The following CCDC15 variants were observed in gnomAD, a reference collection of about 807,000 sequenced individuals.
The protein encoded by CCDC15 is coiled-coil domain containing 15.
CCDC15 carries 105 observed loss-of-function variants against 114.5 expected under a neutral mutation model. The ratio of observed to expected loss-of-function variants is 0.92; its 90% CI spans 0.78 to 1.08. The LOEUF (loss-of-function observed/expected upper bound fraction) is 1.08, where lower values mean the gene tolerates loss of function less well. Among genes scored for constraint, CCDC15 ranks in the 50% least tolerant of loss-of-function variants. The probability of loss-of-function intolerance (pLI) is 0.00; values close to 1 mark genes in which losing one functional copy is unlikely to be tolerated. For missense variants in CCDC15, 1,105 were observed against 1,093.6 expected (o/e 1.01, Z -0.15); for synonymous variants, 334 against 377.8 (o/e 0.88, Z 1.34).
intron 13 of CCDC15, among the ~76,000 whole-genome samples, chr11:125,014,431 A>G (rs1040497483): frequency 8.5e-5 from 13 of 152,256 alleles, no homozygotes; most frequent in African/African-American, 3.1e-4. Flanking sequence ...AGACAACAGA[A>G]GCAGACTCAG....
At chr11:124,957,761 C>G (rs529975197) in intron 2 of CCDC15, among the ~76,000 whole-genome samples, 20 of 152,248 alleles carry the variant, frequency 1.3e-4, no homozygotes, top group African/African-American at 4.3e-4. Context: ...GAAATTTTAA[C>G]TTAAATTGAA....
At chr11:125,040,285 C>T (rs1344172210) in intron 15 of CCDC15, among the ~76,000 whole-genome samples, 1 of 152,126 alleles carries the variant, frequency 6.6e-6, no homozygotes, top group Non-Finnish European at 1.5e-5. Flanking sequence ...GATCCGCCTG[C>T]CTCAGCCTCC....
intron 4 of CCDC15, among the ~76,000 whole-genome samples, chr11:124,973,568 G>A (rs942359830): frequency 6.6e-6 from 1 of 151,938 alleles, no homozygotes; most frequent in African/African-American, 2.4e-5. Flanking sequence ...AAAAAAATCT[G>A]GGCTGGTAGA....
chr11:124,993,065 C>A, intron 10 of CCDC15, 104 bp from the exon 11 acceptor site: 1 of 715,676 alleles, frequency 1.4e-6, no homozygotes, highest in Non-Finnish European at 2.5e-6. Flanking sequence ...CTATTATCCT[C>A]ACCTAGTGTC....
chr11:124,982,442 A>G (rs547063096), intron 6 of CCDC15, among the ~76,000 whole-genome samples: 1 of 152,286 alleles, frequency 6.6e-6, no homozygotes, highest in East Asian at 1.9e-4. Flanking sequence ...TCCTTTCCAT[A>G]TTTAGCACTC....
chr11:124,963,461 T>TA (rs1283294742), intron 4 of CCDC15, among the ~76,000 whole-genome samples: 1 of 152,256 alleles, frequency 6.6e-6, no homozygotes, highest in East Asian at 1.9e-4. Flanking sequence ...TGTCTGTTCA[T>TA]ATCCTTTGCC....
At chr11:124,992,085 A>G (rs533647527) in intron 9 of CCDC15, among the ~76,000 whole-genome samples, 1 of 152,312 alleles carries the variant, frequency 6.6e-6, no homozygotes, top group Admixed American at 6.5e-5. Flanking sequence ...GTTAAACACT[A>G]AACAATTCAG....
intron 13 of CCDC15, among the ~76,000 whole-genome samples, chr11:125,007,363 T>A (rs1948560170): frequency 6.6e-6 from 1 of 152,232 alleles, no homozygotes; most frequent in Admixed American, 6.5e-5. Flanking sequence ...TTATTTGATT[T>A]AACATAATGA....
intron 13 of CCDC15, among the ~76,000 whole-genome samples, chr11:125,031,160 A>G (rs1463544869): frequency 6.6e-6 from 1 of 152,222 alleles, no homozygotes; most frequent in Non-Finnish European, 1.5e-5. Context: ...CACTGGGAAG[A>G]TTTCCCTTCA....
intron 6 of CCDC15, among the ~76,000 whole-genome samples, chr11:124,981,733 A>G (rs1948075234): frequency 6.6e-6 from 1 of 151,408 alleles, no homozygotes; most frequent in South Asian, 2.1e-4. Context: ...GATGCTCCCA[A>G]CTCAGCCACC....
At chr11:124,993,057 A>G (rs570609048) in intron 10 of CCDC15, 112 bp from the exon 11 acceptor site, 353 of 679,814 alleles carry the variant, frequency 5.2e-4, no homozygotes, top group East Asian at 1.5e-3. Context: ...ACTGTGTTCT[A>G]TTATCCTCAC....
At position 125,038,594 on chromosome 11, in the gene CCDC15, G is replaced by C; in HGVS notation, c.2575G>C (p.Glu859Gln). ...GTREKQQREK[E>Q]YLRYVEALRA... Reference sequence around the variant, plus strand: ...CAGAGAAAAACAACAGAGAGAAAAAGAATACCTGAGGTAATTTGAAAAGGT... The same window carrying C: ...CAGAGAAAAACAACAGAGAGAAAAACAATACCTGAGGTAATTTGAAAAGGT... Residue 859 changes from glutamate (E) to glutamine (Q), a missense_variant, in exon 14 of 16, where the codon GAA becomes CAA. By Grantham distance (29) the Glu-to-Gln change is conservative. Coordinates refer to ENST00000344762, the MANE Select transcript of CCDC15 (RefSeq NM_025004.3). The C allele has an allele frequency of 6.4e-7, 1 of 1,562,822 alleles. No homozygotes were observed. Among genetic ancestry groups the C allele is most frequent in the Non-Finnish European group, 8.6e-7 (1 of 1,158,122 alleles).
At chr11:125,005,037 A>G in intron 12 of CCDC15, 72 bp from the exon 13 acceptor site, 2 of 643,314 alleles carry the variant, frequency 3.1e-6, no homozygotes, top group Non-Finnish European at 5.3e-6. Flanking sequence ...TGTCTATGGT[A>G]TAAGAATATT....
rs1221901305 is a variant in CCDC15 at position 124,958,933 on chromosome 11, CGTTA to C, written c.178-178_178-175del. 3.3e-5 allele frequency among the ~76,000 whole-genome samples: 5 copies of C among 152,164 alleles called. No individual in the cohort carries two copies. In the East Asian group the frequency reaches 5.8e-4, roughly 18 times the overall value. ...GTTCATTAAGATTTAATGAAGACATCGTTAGTTCTAATTCAATAAAAAATTTAAG... is the reference window on the plus strand; with the variant it reads ...GTTCATTAAGATTTAATGAAGACATCGTTCTAATTCAATAAAAAATTTAAG... On this transcript the variant is annotated intron_variant, in intron 2 of 15. Transcript: ENST00000344762.
rs1218634538 is a variant in CCDC15 at position 125,005,095 on chromosome 11, C to G, written c.2308-14C>G. On this transcript the variant is annotated splice_polypyrimidine_tract_variant and intron_variant, in intron 12 of 15. Transcript: ENST00000344762. ...GAAAGCAGAATCTTAGTAATTTTAA[C>G]TTCTTACCTTTAGCGTCAAAAGCAG... 3 of 1,247,978 alleles carry G rather than the reference C, an allele frequency of 2.4e-6. No homozygotes were observed. The African/African-American group carries it at 4.6e-5, about 19-fold the overall frequency. The allele number at this position is 1,247,978 out of a possible 1,614,324, so 77.3% of individuals were successfully genotyped here.
At chr11:124,961,649 C>T (rs1255253393) in intron 4 of CCDC15, among the ~76,000 whole-genome samples, 1 of 152,182 alleles carries the variant, frequency 6.6e-6, no homozygotes, top group African/African-American at 2.4e-5. Context: ...CTGCCTCAGC[C>T]TCCTGAGTAG....
At chr11:124,971,726 A>G (rs1174928275) in intron 4 of CCDC15, among the ~76,000 whole-genome samples, 2 of 152,150 alleles carry the variant, frequency 1.3e-5, no homozygotes, top group Non-Finnish European at 2.9e-5. Flanking sequence ...CATTGTTATT[A>G]AAAAAGATAA....
At chr11:124,972,475 T>G (rs756286144) in intron 4 of CCDC15, among the ~76,000 whole-genome samples, 6 of 152,264 alleles carry the variant, frequency 3.9e-5, no homozygotes, top group Non-Finnish European at 8.8e-5. Context: ...ATTTGAATTA[T>G]TGCATAATTT....
chr11:124,976,779 A>T (rs980908746), intron 5 of CCDC15, among the ~76,000 whole-genome samples: 3 of 152,134 alleles, frequency 2.0e-5, no homozygotes, highest in African/African-American at 4.8e-5. Context: ...GTCTGAGATA[A>T]CATCTTTGTA....
Sources: allele counts gnomAD v4.1 joint callset (sites outside exome capture counted in the v4.1 genomes callset), GRCh38; gene constraint gnomAD v4.1.1; transcripts MANE v1.5; gene names NCBI Gene and HGNC (gene_info 2026-07-23, HGNC 2026-07-21).